SEMA3E: variants seen among roughly 807,000 people sequenced by gnomAD.
The protein encoded by SEMA3E is semaphorin 3E.
In SEMA3E, 49 loss-of-function variants were observed where a neutral mutation model predicts 93.6. That is an observed-to-expected ratio of 0.52 (90% CI 0.42 to 0.66). The LOEUF is 0.66. SEMA3E is among the 30% of genes least tolerant of loss of function. SEMA3E has a pLI of 0.00. For synonymous variants in SEMA3E, 363 were observed against 330.7 expected, an observed-to-expected ratio of 1.10 and a Z score of -1.06; for missense variants, 906 against 964.8, an observed-to-expected ratio of 0.94 and a Z score of 0.81.
At chr7:83,429,326 A>C (rs1227716829) in intron 4 of SEMA3E, among the ~76,000 whole-genome samples, 1 of 152,058 alleles carries the variant, frequency 6.6e-6, no homozygotes, top group Non-Finnish European at 1.5e-5. Context: ...GTATCCTCTA[A>C]TTATTACGTC....
At chr7:83,618,311 C>A (rs755798257) in intron 1 of SEMA3E, among the ~76,000 whole-genome samples, 23 of 152,036 alleles carry the variant, frequency 1.5e-4, no homozygotes, top group Non-Finnish European at 3.1e-4. Context: ...GGTTTAAACT[C>A]AGGTTTCTCA....
At chr7:83,492,288 G>A (rs940769690) in intron 1 of SEMA3E, among the ~76,000 whole-genome samples, 2 of 151,892 alleles carry the variant, frequency 1.3e-5, no homozygotes, top group Non-Finnish European at 1.5e-5. Context: ...AGTAAAGGAG[G>A]TACTCCATGA....
At chr7:83,480,867 G>A (rs1014835472) in intron 2 of SEMA3E, among the ~76,000 whole-genome samples, 7 of 152,054 alleles carry the variant, frequency 4.6e-5, no homozygotes, top group South Asian at 2.1e-4. Context: ...TCTTCTGGTC[G>A]CATCTTGAAA....
chr7:83,420,550 A>G (rs1487381119), intron 4 of SEMA3E, among the ~76,000 whole-genome samples: 1 of 152,204 alleles, frequency 6.6e-6, no homozygotes, highest in African/African-American at 2.4e-5. Context: ...AACTGGAGGC[A>G]TCACATTATG....
intron 1 of SEMA3E, among the ~76,000 whole-genome samples, chr7:83,582,843 T>C (rs1350447011): frequency 2.0e-5 from 3 of 152,004 alleles, no homozygotes; most frequent in Admixed American, 2.0e-4. Flanking sequence ...CATATAAATA[T>C]GAAAACATAA....
At chr7:83,422,618 G>A (rs553100814) in intron 4 of SEMA3E, among the ~76,000 whole-genome samples, 6 of 152,192 alleles carry the variant, frequency 3.9e-5, no homozygotes, top group African/African-American at 9.6e-5. Flanking sequence ...AAACATCAGC[G>A]TCATGGAAAG....
At chr7:83,385,155 CAAAT>C in intron 16 of SEMA3E, 135 bp downstream of exon 16, 5 of 739,684 alleles carry the variant, frequency 6.8e-6, no homozygotes, top group Non-Finnish European at 1.1e-5. Flanking sequence ...TCACACATAA[CAAAT>C]AAAACTGACT....
chr7:83,644,215 A>G (rs1264871270), intron 1 of SEMA3E, among the ~76,000 whole-genome samples: 2 of 151,752 alleles, frequency 1.3e-5, no homozygotes, highest in African/African-American at 2.4e-5. Flanking sequence ...AAAAATATAT[A>G]GGCCATGAAT....
chr7:83,396,646 T>C lies in SEMA3E; in HGVS notation c.1450A>G (p.Ile484Val). 6.3e-7 allele frequency: 1 copy of C among 1,596,632 alleles called. No individual in the cohort carries two copies. Among genetic ancestry groups the C allele is most frequent in the Non-Finnish European group, 8.6e-7 (1 of 1,165,462 alleles). Residue 484 changes from isoleucine to valine, a missense_variant, in exon 12 of 17, where the codon ATA (isoleucine) becomes GTA (valine). Coordinates refer to ENST00000643230, the MANE Select transcript of SEMA3E (RefSeq NM_012431.3). ...TTTTTTGCTTTAAATACCTTGAATA[T>C]CTGAAGTTCTTCTAGAATTACTTCT... ...MEEVILEELQ[I>V]FKDPVPIISM...
In SEMA3E at chr7:83,485,115, C is replaced by T. The variant is rs370549601; in HGVS notation, c.276+4999G>A. On this transcript the variant is annotated intron_variant, in intron 2 of 16. Coordinates refer to ENST00000643230, the MANE Select transcript of SEMA3E (RefSeq NM_012431.3). ...TGGATGCTTTTCCACATGCATGTCT[C>T]AGAAGAAGTTTACTAAAATGATCAT... 7.2e-5 allele frequency among the ~76,000 whole-genome samples: 11 copies of T among 152,258 alleles called. 1 individual carries two copies. The highest frequency in any genetic ancestry group is 7.2e-5 in the African/African-American group (3 of 41,546).
At chr7:83,408,542 TTAA>T in intron 5 of SEMA3E, 55 bp from the exon 6 acceptor site, 1 of 1,568,200 alleles carries the variant, frequency 6.4e-7, no homozygotes, top group South Asian at 1.1e-5. Flanking sequence ...TGTTAACAAA[TTAA>T]ACACATCCAA....
chr7:83,535,823 T>C (rs1438468654), intron 1 of SEMA3E, among the ~76,000 whole-genome samples: 1 of 152,120 alleles, frequency 6.6e-6, no homozygotes, highest in Non-Finnish European at 1.5e-5. Flanking sequence ...AAAAATGCAG[T>C]GGGAAAAATT....
chr7:83,491,039 C>CTGGA (rs1414967465), intron 1 of SEMA3E, among the ~76,000 whole-genome samples: 1 of 152,096 alleles, frequency 6.6e-6, no homozygotes, highest in Non-Finnish European at 1.5e-5. Context: ...GGCCTAGACT[C>CTGGA]TGGATGCTAA....
At chr7:83,422,834 G>A (rs540424476) in intron 4 of SEMA3E, among the ~76,000 whole-genome samples, 5 of 152,266 alleles carry the variant, frequency 3.3e-5, no homozygotes, top group South Asian at 2.1e-4. Context: ...TGTCAAATGC[G>A]TGAAGCAAAT....
chr7:83,646,879 T>G (rs1172357483), intron 1 of SEMA3E, among the ~76,000 whole-genome samples: 1 of 152,042 alleles, frequency 6.6e-6, no homozygotes, highest in Non-Finnish European at 1.5e-5. Flanking sequence ...TATAAAATGT[T>G]AATACTAGAT....
intron 2 of SEMA3E, among the ~76,000 whole-genome samples, chr7:83,474,370 T>A (rs955335007): frequency 3.3e-5 from 5 of 152,150 alleles, no homozygotes; most frequent in Admixed American, 6.5e-5. Flanking sequence ...ATTATAGGTA[T>A]AAAATATTAC....
intron 2 of SEMA3E, among the ~76,000 whole-genome samples, chr7:83,470,091 C>T (rs986691568): frequency 1.3e-5 from 2 of 152,118 alleles, no homozygotes; most frequent in African/African-American, 4.8e-5. Flanking sequence ...TACCAGTTTC[C>T]AACTGGGTAT....
chr7:83,550,183 G>A (rs183654653), intron 1 of SEMA3E, among the ~76,000 whole-genome samples: 24 of 152,128 alleles, frequency 1.6e-4, no homozygotes, highest in Admixed American at 1.2e-3. Context: ...TATATAGGTC[G>A]CCTATCATTT....
chr7:83,454,296 T>TATATATATATATATATATATATATAA (rs1350195502), intron 4 of SEMA3E, among the ~76,000 whole-genome samples: 2 of 130,630 alleles, frequency 1.5e-5, no homozygotes, highest in African/African-American at 5.7e-5. Flanking sequence ...TATATATATA[T>TATATATATATATATATATATATATAA]AATGTGTGTA....
Sources: allele counts gnomAD v4.1 joint callset (sites outside exome capture counted in the v4.1 genomes callset), GRCh38; gene constraint gnomAD v4.1.1; transcripts MANE v1.5; gene names NCBI Gene and HGNC (gene_info 2026-07-23, HGNC 2026-07-21).